The following PPP1R3C variants were observed in gnomAD, a reference collection of about 807,000 sequenced individuals.
The protein encoded by PPP1R3C is protein phosphatase 1 regulatory subunit 3C, also known as PP1 subunit R5.
Under a neutral mutation model 29.3 loss-of-function variants are expected in PPP1R3C, and 20 were observed. The ratio of observed to expected loss-of-function variants is 0.68; its 90% CI spans 0.48 to 0.99. The LOEUF (loss-of-function observed/expected upper bound fraction) is 0.99, where lower values mean the gene tolerates loss of function less well. Ranked by LOEUF, PPP1R3C falls within the 50% of genes least tolerant of loss-of-function variation. PPP1R3C has a pLI of 0.00. For missense variants in PPP1R3C, 321 were observed against 386.0 expected, an observed-to-expected ratio of 0.83 and a Z score of 1.41; for synonymous variants, 123 against 143.1, an observed-to-expected ratio of 0.86 and a Z score of 1.00.
rs1430830589 is a variant in PPP1R3C, at chr10:91,630,032, C to T, written c.849G>A (p.Lys283=). 1 of 1,614,214 alleles carries T rather than the reference C, an allele frequency of 6.2e-7. No individual in the cohort carries two copies. Among genetic ancestry groups the T allele is most frequent in the South Asian group, 1.1e-5 (1 of 91,074 alleles). ...CAAAGATTGTTGACTCTAACTCTGT[C>T]TTAGGAGACGTCTGGTGGAATGCAC... ...QDCAFHQTSP[K]TELESTIFGS... Residue 283 remains lysine, a synonymous_variant, in exon 2 of 2, where the codon AAG becomes AAA. Coordinates refer to ENST00000238994, the MANE Select transcript of PPP1R3C (RefSeq NM_005398.7). The surrounding 1 kb of genome is among the most constrained non-coding windows in gnomAD (Gnocchi z 4.4).
chr10:91,630,610 T>C lies in PPP1R3C; in HGVS notation c.271A>G (p.Lys91Glu). 6.2e-7 allele frequency: 1 copy of C among 1,612,108 alleles called. No homozygotes were observed. The highest frequency in any genetic ancestry group is 1.7e-5 in the Admixed American group (1 of 59,888). The change falls in exon 2 of 2, where the codon AAG becomes GAG. Residue 91 changes from lysine to glutamate, a missense_variant. Lys to Glu is a moderately conservative substitution (Grantham distance 56, BLOSUM62 1). Transcript: ENST00000238994. The surrounding 1 kb of genome is among the most constrained non-coding windows in gnomAD (Gnocchi z 4.4). ...AKKRVVFADS[K>E]GLSLTAIHVF... Reference sequence around the variant, plus strand: ...TGGATCGCAGTGAGAGAGAGGCCCTTGGAGTCAGCAAACACAACGCGCTTC... The same window carrying C: ...TGGATCGCAGTGAGAGAGAGGCCCTCGGAGTCAGCAAACACAACGCGCTTC...
rs1446938639 is a variant in PPP1R3C at position 91,630,816 on chromosome 10, A to G, written c.65T>C (p.Val22Ala). 3.1e-6 allele frequency: 5 copies of G among 1,614,084 alleles called. 1 individual carries two copies. In the South Asian group the frequency reaches 5.5e-5, roughly 18 times the overall value. ...CAAGCAAAGCCTCATGGCCACATCC[A>G]CGGGCATGACCGAACTTGTCAAAGG... ...PRPLTSSVMPVDVAMRLCLAH... is the reference protein window; with the variant it reads ...PRPLTSSVMPADVAMRLCLAH... Residue 22 changes from valine to alanine, a missense_variant, in exon 2 of 2, where the codon GTG becomes GCG. By Grantham distance (64) the Val-to-Ala change is moderately conservative (BLOSUM62 0). Transcript: ENST00000238994. This position sits in a 1 kb window ranked among gnomAD's most constrained non-coding sequence, Gnocchi z 4.4.
In PPP1R3C at chr10:91,630,115, T is replaced by C. The variant is rs1177061371; in HGVS notation, c.766A>G (p.Ile256Val). The change falls in exon 2 of 2, where the codon ATT (isoleucine) becomes GTT (valine). Residue 256 changes from isoleucine to valine, a missense_variant. Transcript: ENST00000238994. The surrounding 1 kb of genome is among the most constrained non-coding windows in gnomAD (Gnocchi z 4.4). ...WDNNDGQNYR[I>V]VHVQWKPDGV... Reference sequence around the variant, plus strand: ...TCAGGCTTCCATTGAACATGAACAATTCTATAATTCTGACCATCATTGTTG... The same window carrying C: ...TCAGGCTTCCATTGAACATGAACAACTCTATAATTCTGACCATCATTGTTG... 6.2e-7 allele frequency: 1 copy of C among 1,614,174 alleles called. No homozygotes were observed. The highest frequency in any genetic ancestry group is 8.5e-7 in the Non-Finnish European group (1 of 1,180,038).
chr10:91,632,650 T>C (rs921992794), intron 1 of PPP1R3C, among the ~76,000 whole-genome samples: 9 of 152,166 alleles, frequency 5.9e-5, no homozygotes, highest in African/African-American at 2.2e-4. Context: ...CCCGAGTCTT[T>C]GGGACATTTG....
chr10:91,629,490 G>A lies in PPP1R3C; in HGVS notation c.*437C>T, dbSNP rs114340362. On this transcript the variant is annotated 3_prime_UTR_variant, in exon 2 of 2. Transcript: ENST00000238994. ...ACTTAAAAACACAAAATAACCTTACGTTTTTCCACCAACAATGATCAGACC... is the reference window on the plus strand; with the variant it reads ...ACTTAAAAACACAAAATAACCTTACATTTTTCCACCAACAATGATCAGACC... The A allele has an allele frequency of 2.8e-3, 473 of 167,620 alleles. 1 individual carries two copies. Among genetic ancestry groups the A allele is most frequent in the African/African-American group, 0.01 (432 of 41,828 alleles). The allele number at this position is 167,620 out of a possible 1,614,324, so 10.4% of individuals were successfully genotyped here.
Position 91,630,827 on chromosome 10 carries a change from C to T in PPP1R3C, c.54G>A (p.Ser18=), listed in dbSNP as rs142556316. 3.0e-5 allele frequency: 48 copies of T among 1,613,628 alleles called. No individual in the cohort carries two copies. Among genetic ancestry groups the T allele is most frequent in the Non-Finnish European group, 3.8e-5 (45 of 1,180,032 alleles). ...TCATGGCCACATCCACGGGCATGACCGAACTTGTCAAAGGACGTGGATCTA... is the reference window on the plus strand; with the variant it reads ...TCATGGCCACATCCACGGGCATGACTGAACTTGTCAAAGGACGTGGATCTA... ...QVLDPRPLTS[S]VMPVDVAMRL... The change falls in exon 2 of 2, where the codon TCG becomes TCA. Residue 18 remains serine (S), a synonymous_variant. Transcript: ENST00000238994. This position sits in a 1 kb window ranked among gnomAD's most constrained non-coding sequence, Gnocchi z 4.4.
intron 1 of PPP1R3C, among the ~76,000 whole-genome samples, chr10:91,632,419 T>C (rs559062946): frequency 1.3e-5 from 2 of 152,112 alleles, no homozygotes; most frequent in South Asian, 4.1e-4. Context: ...TTTTTACTTT[T>C]TGCATTTATA....
Position 91,629,959 on chromosome 10 carries a change from CCCAGCTCTG to C in PPP1R3C, c.913_921del (p.Gln305_Trp307del), listed in dbSNP as rs749682115. ...TAAGAGGCCAAGTTCTCCATTCTCC[CCCAGCTCTG>C]CCACTCTGGGAAGAGCCCACTAGCC... On this transcript the variant is annotated inframe_deletion, in exon 2 of 2. Coordinates refer to ENST00000238994, the MANE Select transcript of PPP1R3C (RefSeq NM_005398.7). The C allele has an allele frequency of 1.2e-6, 2 of 1,614,174 alleles. No individual in the cohort carries two copies. Among genetic ancestry groups the C allele is most frequent in the South Asian group, 2.2e-5 (2 of 91,076 alleles).
At chr10:91,631,949 A>G (rs1200011131) in intron 1 of PPP1R3C, among the ~76,000 whole-genome samples, 1 of 152,212 alleles carries the variant, frequency 6.6e-6, no homozygotes, top group African/African-American at 2.4e-5. Context: ...AAAACCATTT[A>G]AAGTTTTAAA....
chr10:91,629,832 A>G lies in PPP1R3C; in HGVS notation c.*95T>C, dbSNP rs561723994. The stretch of plus-strand genomic sequence containing the variant: ...CAAAAGCTCAAATCTAAACCTACTG[A>G]TGGAGTAGCAAAGGCTTCCTAAAAT... On this transcript the variant is annotated 3_prime_UTR_variant, in exon 2 of 2. Coordinates refer to ENST00000238994, the MANE Select transcript of PPP1R3C (RefSeq NM_005398.7). 3.0e-5 allele frequency: 39 copies of G among 1,315,516 alleles called. No homozygotes were observed. In the African/African-American group the frequency reaches 5.0e-4, roughly 17 times the overall value. The allele number at this position is 1,315,516 out of a possible 1,614,324, so 81.5% of individuals were successfully genotyped here.
intron 1 of PPP1R3C, among the ~76,000 whole-genome samples, chr10:91,631,196 G>A (rs1848714839): frequency 1.3e-5 from 2 of 152,294 alleles, no homozygotes; most frequent in South Asian, 2.1e-4. Flanking sequence ...TGGACCAGTG[G>A]TCCTCAAACC....
chr10:91,630,283 C>T lies in PPP1R3C; in HGVS notation c.598G>A (p.Asp200Asn). The T allele has an allele frequency of 6.2e-7, 1 of 1,614,200 alleles. No individual in the cohort carries two copies. Among genetic ancestry groups the T allele is most frequent in the Non-Finnish European group, 8.5e-7 (1 of 1,180,030 alleles). The change falls in exon 2 of 2, where the codon GAC becomes AAC. Residue 200 changes from aspartate to asparagine, a missense_variant. Physicochemically the swap from Asp to Asn is conservative, Grantham distance 23. Transcript: ENST00000238994. The surrounding 1 kb of genome is among the most constrained non-coding windows in gnomAD (Gnocchi z 4.4). ...FDSWKNYTDV[D>N]CVYMKNVYGG... is the part of the protein sequence containing the mutation. ...TACACATTTTTCATATAGACACAGT[C>T]TACGTCAGTGTAGTTTTTCCAAGAA...
chr10:91,631,460 C>T (rs965342826), intron 1 of PPP1R3C, among the ~76,000 whole-genome samples: 3 of 152,164 alleles, frequency 2.0e-5, no homozygotes, highest in African/African-American at 2.4e-5. Flanking sequence ...CCCTCTGCTC[C>T]CTCTGGCTAC....
rs148420815 is a variant in PPP1R3C at position 91,630,752 on chromosome 10, G to A, written c.129C>T (p.Tyr43=). Residue 43 remains tyrosine (Y), a synonymous_variant, in exon 2 of 2, where the codon TAC becomes TAT. Coordinates refer to ENST00000238994, the MANE Select transcript of PPP1R3C (RefSeq NM_005398.7). This position sits in a 1 kb window ranked among gnomAD's most constrained non-coding sequence, Gnocchi z 4.4. Reference sequence around the variant, plus strand: ...CAAAATGTCGTCGTTGAAATTCATCGTACGGGCCCAGGAAACTCTTCACAG... The same window carrying A: ...CAAAATGTCGTCGTTGAAATTCATCATACGGGCCCAGGAAACTCTTCACAG... ...SPPVKSFLGP[Y]DEFQRRHFVN... is the part of the protein sequence containing the mutation. 71 of 1,614,104 alleles carry A rather than the reference G, an allele frequency of 4.4e-5. No homozygotes were observed. The African/African-American group carries it at 4.5e-4, about 10-fold the overall frequency.
rs951044459 is a variant in PPP1R3C at position 91,632,839 on chromosome 10, C to T, written c.14+117G>A. ...CAGATTCAACTACGCAGTCAGTCCA[C>T]TTGTCCTCCCCCTGGGGTGTCCATT... On this transcript the variant is annotated intron_variant, in intron 1 of 1. Transcript: ENST00000238994. 1.8e-5 allele frequency: 26 copies of T among 1,455,116 alleles called. No homozygotes were observed. In the Middle Eastern group the frequency reaches 8.6e-4, roughly 48 times the overall value. 90.1% of individuals were successfully genotyped at this position (1,455,116 alleles called of 1,614,324 possible).
chr10:91,632,240 T>G (rs1298765712), intron 1 of PPP1R3C, among the ~76,000 whole-genome samples: 1 of 152,200 alleles, frequency 6.6e-6, no homozygotes, highest in Non-Finnish European at 1.5e-5. Context: ...GGGGTTTTTC[T>G]GGGAGATCTG....
Position 91,628,507 on chromosome 10 carries a change from A to G in PPP1R3C, c.*1420T>C, listed in dbSNP as rs926983480. 6.6e-6 allele frequency: 1 copy of G among 152,200 alleles called. No individual in the cohort carries two copies. The highest frequency in any genetic ancestry group is 1.5e-5 in the Non-Finnish European group (1 of 68,028). The allele number at this position is 152,200 out of a possible 1,614,324, so 9.4% of individuals were successfully genotyped here. ...AAGGATAGCTAGAGGAGAGTGAAAT[A>G]TTTACAGTAGAAAAGTATGGATGCT... is the stretch of plus-strand genomic sequence containing the variant. On this transcript the variant is annotated 3_prime_UTR_variant, in exon 2 of 2. Transcript: ENST00000238994.
At position 91,630,871 on chromosome 10, in the gene PPP1R3C, A is replaced by C. The variant is rs1263190738; in HGVS notation, c.15-5T>G. 6.2e-7 allele frequency: 1 copy of C among 1,607,018 alleles called. No homozygotes were observed. The highest frequency in any genetic ancestry group is 8.5e-7 in the Non-Finnish European group (1 of 1,178,290). ...GGATCTAAAACCTGGATCATTCTGG[A>C]ATGCAAAAAGAAGAGGGATTATCAC... is the stretch of plus-strand genomic sequence containing the variant. On this transcript the variant is annotated splice_region_variant and splice_polypyrimidine_tract_variant and intron_variant, in intron 1 of 1. Transcript: ENST00000238994. The surrounding 1 kb of genome is among the most constrained non-coding windows in gnomAD (Gnocchi z 4.4).
intron 1 of PPP1R3C, 48 bp downstream of exon 1, chr10:91,632,908 C>T: frequency 1.3e-6 from 2 of 1,596,572 alleles, no homozygotes; most frequent in Non-Finnish European, 1.7e-6. Flanking sequence ...TTCCCCACAG[C>T]TGCGCGTTCC....
Sources: gnomAD v4.1 joint callset for allele counts (sites outside exome capture counted in the v4.1 genomes callset) on GRCh38, gnomAD v4.1.1 for gene constraint, Gnocchi (gnomAD v3.1) non-coding constraint, MANE v1.5 for transcripts, NCBI Gene and HGNC (gene_info 2026-07-23, HGNC 2026-07-21) for gene names.